FAM117B: variants seen among roughly 807,000 people sequenced by gnomAD.
The protein encoded by FAM117B is protein FAM117B.
In FAM117B, 22 loss-of-function variants were observed where a neutral mutation model predicts 52.8. The ratio of observed to expected loss-of-function variants is 0.42; its 90% confidence interval spans 0.30 to 0.59. FAM117B has a LOEUF of 0.59. Among genes scored for constraint, FAM117B ranks in the 20% least tolerant of loss-of-function variants. The pLI, the probability that FAM117B is intolerant of heterozygous loss-of-function variation, is 0.22. For synonymous variants in FAM117B, 309 were observed against 324.1 expected, an observed-to-expected ratio of 0.95 and a Z score of 0.50; for missense variants, 678 against 802.6, an observed-to-expected ratio of 0.84 and a Z score of 1.88.
intron 1 of FAM117B, among the ~76,000 whole-genome samples, chr2:202,638,182 TTAAG>T (rs1304737045): frequency 6.6e-6 from 1 of 152,184 alleles, no homozygotes; most frequent in African/African-American, 2.4e-5. Context: ...CAGCCACTAG[TTAAG>T]TAACTCTTAC....
At chr2:202,710,857 C>T (rs1489576202) in intron 2 of FAM117B, among the ~76,000 whole-genome samples, 1 of 152,138 alleles carries the variant, frequency 6.6e-6, no homozygotes, top group Non-Finnish European at 1.5e-5. Flanking sequence ...ATAATGTCCT[C>T]CATTCATGCT....
Position 202,765,615 on chromosome 2 carries a change from G to A in FAM117B, c.1621G>A (p.Gly541Ser). The change falls in exon 8 of 8, where the codon GGC becomes AGC. Residue 541 changes from glycine (G) to serine (S), a missense_variant. This residue lies in a region of FAM117B where 68 missense variants were observed against 80.6 expected (regional missense o/e 0.84). Transcript: ENST00000392238. ...TGGCCACAGCCTGACAGTCACCACT[G>A]GCATGACAACCACTCTGCTGCAGCC... ...GSGHSLTVTT[G>S]MTTTLLQPIA... The A allele has an allele frequency of 2.5e-6, 4 of 1,614,068 alleles. No homozygotes were observed. Among genetic ancestry groups the A allele is most frequent in the Non-Finnish European group, 3.4e-6 (4 of 1,180,020 alleles).
At chr2:202,746,067 T>C (rs1356912793) in intron 4 of FAM117B, among the ~76,000 whole-genome samples, 1 of 152,102 alleles carries the variant, frequency 6.6e-6, no homozygotes, top group African/African-American at 2.4e-5. Context: ...GAAAGAAACA[T>C]TGCACTTAAT....
At chr2:202,685,131 C>T (rs563354128) in intron 1 of FAM117B, among the ~76,000 whole-genome samples, 33 of 151,978 alleles carry the variant, frequency 2.2e-4, no homozygotes, top group African/African-American at 4.6e-4. Context: ...TACAGGTGCC[C>T]GCTACTATGC....
chr2:202,714,105 T>G (rs1249696313), intron 2 of FAM117B, among the ~76,000 whole-genome samples: 1 of 152,230 alleles, frequency 6.6e-6, no homozygotes, highest in Non-Finnish European at 1.5e-5. Context: ...TTTTCATTTT[T>G]TTTTATAGTT....
chr2:202,763,431 T>G (rs1319749427), intron 7 of FAM117B, among the ~76,000 whole-genome samples: 1 of 152,104 alleles, frequency 6.6e-6, no homozygotes, highest in Non-Finnish European at 1.5e-5. Flanking sequence ...TAGCCCTCAT[T>G]TGGATGGAAC....
At chr2:202,645,896 C>T (rs955084681) in intron 1 of FAM117B, among the ~76,000 whole-genome samples, 4 of 151,890 alleles carry the variant, frequency 2.6e-5, no homozygotes, top group Non-Finnish European at 2.9e-5. Flanking sequence ...TGAGCCACAG[C>T]GCCCGGCCTA....
intron 1 of FAM117B, among the ~76,000 whole-genome samples, chr2:202,657,097 A>T (rs1345488741): frequency 2.0e-5 from 3 of 151,488 alleles, no homozygotes; most frequent in African/African-American, 4.8e-5. Flanking sequence ...TATTTTATTT[A>T]TTTTTTTTGA....
chr2:202,663,835 C>T (rs533451288), intron 1 of FAM117B, among the ~76,000 whole-genome samples: 29 of 152,336 alleles, frequency 1.9e-4, no homozygotes, highest in Admixed American at 2.6e-4. Flanking sequence ...CTGCCCACCT[C>T]GGCCTCCCAA....
intron 1 of FAM117B, among the ~76,000 whole-genome samples, chr2:202,671,145 G>A (rs749238664): frequency 1.3e-5 from 2 of 152,130 alleles, no homozygotes; most frequent in African/African-American, 2.4e-5. Context: ...TAGTTTTGTC[G>A]ATCATAAACA....
chr2:202,637,445 T>C (rs147511957), intron 1 of FAM117B, among the ~76,000 whole-genome samples: 13,699 of 151,052 alleles, frequency 0.091, 2,078 homozygotes, highest in African/African-American at 0.31. Context: ...TTAGTAGAGA[T>C]GGGGTTTCAC....
At chr2:202,648,572 T>TGTGC (rs1254945588) in intron 1 of FAM117B, among the ~76,000 whole-genome samples, 1 of 140,066 alleles carries the variant, frequency 7.1e-6, no homozygotes, top group Non-Finnish European at 1.5e-5. Context: ...TGTGTGTGTG[T>TGTGC]GTGCGTGTAT....
intron 1 of FAM117B, among the ~76,000 whole-genome samples, chr2:202,678,983 C>T (rs1286849745): frequency 6.6e-6 from 1 of 152,106 alleles, no homozygotes. Flanking sequence ...ACAAAAACTT[C>T]CCAAGGACTC....
intron 7 of FAM117B, 137 bp downstream of exon 7, chr2:202,759,490 C>T: frequency 1.8e-6 from 2 of 1,133,120 alleles, no homozygotes; most frequent in Non-Finnish European, 2.4e-6. Context: ...CTCCTTAGCT[C>T]AAGTTATCTT....
chr2:202,667,187 G>A (rs1018503990), intron 1 of FAM117B, among the ~76,000 whole-genome samples: 3 of 151,892 alleles, frequency 2.0e-5, no homozygotes, highest in African/African-American at 4.8e-5. Context: ...TGCAACCTCC[G>A]CCTCCTGGGT....
At chr2:202,713,725 GAGA>G in intron 2 of FAM117B, among the ~76,000 whole-genome samples, 1 of 151,712 alleles carries the variant, frequency 6.6e-6, no homozygotes, top group African/African-American at 2.4e-5. Flanking sequence ...TATTTTTTTT[GAGA>G]AGGAGTTTCG....
intron 4 of FAM117B, among the ~76,000 whole-genome samples, chr2:202,730,182 A>G (rs373760004): frequency 2.0e-5 from 3 of 152,118 alleles, no homozygotes; most frequent in African/African-American, 7.2e-5. Flanking sequence ...TAGTCTCTCC[A>G]TTTTATAGAC....
chr2:202,727,465 T>C (rs1185647376), intron 4 of FAM117B, among the ~76,000 whole-genome samples: 4 of 152,032 alleles, frequency 2.6e-5, no homozygotes, highest in African/African-American at 9.7e-5. Context: ...CAACCAACCA[T>C]GGATCAAACA....
Position 202,734,233 on chromosome 2 carries a change from C to T in FAM117B, c.960+7870C>T, listed in dbSNP as rs531370501. The stretch of plus-strand genomic sequence containing the variant: ...AACTCTGTTCAATACCATTAAAAAA[C>T]CAAAGTTAGCTGGGTGTGGTGGTAC... On this transcript the variant is annotated intron_variant, in intron 4 of 7. Transcript: ENST00000392238. Among the ~76,000 whole-genome samples, 3 of 152,146 alleles carry T rather than the reference C, an allele frequency of 2.0e-5. No homozygotes were observed. In the East Asian group the frequency reaches 5.8e-4, roughly 29 times the overall value.
Sources: gnomAD v4.1 joint callset for allele counts (sites outside exome capture counted in the v4.1 genomes callset) on GRCh38, gnomAD v4.1.1 for gene constraint, gnomAD v4.1.1 regional missense constraint, MANE v1.5 for transcripts, NCBI Gene and HGNC (gene_info 2026-07-23, HGNC 2026-07-21) for gene names.